TMTC1: variants seen among roughly 807,000 people sequenced by gnomAD.
TMTC1 encodes the protein protein O-mannosyl-transferase TMTC1.
In TMTC1, 73 loss-of-function variants were observed where a neutral mutation model predicts 104.8. The observed-to-expected ratio is 0.70, with a 90% CI of 0.58 to 0.85. The LOEUF (loss-of-function observed/expected upper bound fraction) is 0.85, where lower values mean the gene tolerates loss of function less well. Among genes scored for constraint, TMTC1 ranks in the 40% least tolerant of loss-of-function variants. TMTC1 has a pLI of 0.00. For missense variants in TMTC1, 1,035 were observed against 1,096.1 expected (o/e 0.94, Z 0.79); for synonymous variants, 434 against 428.7 (o/e 1.01, Z -0.15).
chr12:29,534,918 A>C (rs1944601776), intron 11 of TMTC1: 1 of 152,186 alleles, frequency 6.6e-6, no homozygotes, highest in African/African-American at 2.4e-5. Flanking sequence ...TCCTATTTAC[A>C]AAGGGTCATC....
intron 5 of TMTC1, among the ~76,000 whole-genome samples, chr12:29,686,895 G>A (rs1464770977): frequency 6.6e-6 from 1 of 152,160 alleles, no homozygotes; most frequent in East Asian, 1.9e-4. Context: ...AACAAGTGAT[G>A]TATTTTCACC....
chr12:29,666,517 G>A (rs1031378045), intron 5 of TMTC1, among the ~76,000 whole-genome samples: 1 of 151,768 alleles, frequency 6.6e-6, no homozygotes, highest in Non-Finnish European at 1.5e-5. Flanking sequence ...ACAGGTGTGA[G>A]CCACCACACC....
At chr12:29,525,993 G>A (rs548650579) in intron 11 of TMTC1, among the ~76,000 whole-genome samples, 1 of 152,248 alleles carries the variant, frequency 6.6e-6, no homozygotes, top group South Asian at 2.1e-4. Context: ...GTATGAGAAA[G>A]CTTTCATATA....
In TMTC1 at chr12:29,598,177, G is replaced by A. The variant is rs528693269; in HGVS notation, c.1250+6001C>T. ...CTTTCTTCCTATTAGATTTGCTAAA[G>A]CAAATTTCTGTGATTTCCCTGTTGA... On this transcript the variant is annotated intron_variant, in intron 7 of 17. Coordinates refer to ENST00000539277, the MANE Select transcript of TMTC1 (RefSeq NM_001193451.2). Among the ~76,000 whole-genome samples the A allele has an allele frequency of 7.2e-5, 11 of 152,316 alleles. No individual in the cohort carries two copies. The South Asian group carries it at 2.1e-3, about 29-fold the overall frequency.
At chr12:29,582,875 G>A (rs1305978267) in intron 8 of TMTC1, among the ~76,000 whole-genome samples, 2 of 152,200 alleles carry the variant, frequency 1.3e-5, no homozygotes, top group East Asian at 1.9e-4. Flanking sequence ...AGAGCCAGGC[G>A]AAGGTCGCCA....
intron 5 of TMTC1, among the ~76,000 whole-genome samples, chr12:29,747,760 C>T (rs1343357050): frequency 6.6e-6 from 1 of 152,106 alleles, no homozygotes; most frequent in African/African-American, 2.4e-5. Flanking sequence ...GCTGAGTGGC[C>T]ATGGTATGCC....
chr12:29,598,578 C>T (rs1366768931), intron 7 of TMTC1, among the ~76,000 whole-genome samples: 1 of 152,178 alleles, frequency 6.6e-6, no homozygotes, highest in Non-Finnish European at 1.5e-5. Context: ...TTCCGTTTCT[C>T]ACTGAATTTT....
At chr12:29,542,466 A>G (rs532146266) in intron 10 of TMTC1, among the ~76,000 whole-genome samples, 2 of 152,348 alleles carry the variant, frequency 1.3e-5, no homozygotes, top group Non-Finnish European at 2.9e-5. Flanking sequence ...GACGACTGAT[A>G]ATAATCCTCC....
intron 5 of TMTC1, among the ~76,000 whole-genome samples, chr12:29,650,747 C>T (rs1030479820): frequency 3.9e-5 from 6 of 152,192 alleles, no homozygotes; most frequent in Non-Finnish European, 5.9e-5. Context: ...CGTAGACCTA[C>T]TAACCGATGT....
chr12:29,713,101 A>G (rs1378877597), intron 5 of TMTC1, among the ~76,000 whole-genome samples: 1 of 151,972 alleles, frequency 6.6e-6, no homozygotes, highest in Non-Finnish European at 1.5e-5. Flanking sequence ...CAGGTCCCCC[A>G]AGAAAAAAGG....
Position 29,768,048 on chromosome 12 carries a change from G to A in TMTC1, c.330C>T (p.Asn110=), listed in dbSNP as rs774973599. 3 of 1,607,848 alleles carry A rather than the reference G, an allele frequency of 1.9e-6. No individual in the cohort carries two copies. Among genetic ancestry groups the A allele is most frequent in the Admixed American group, 3.4e-5 (2 of 58,810 alleles). The part of the protein sequence containing the change: ...FKLNIFLTGM[N]PFYFHAVNII... ...TATTTACTGCATGAAAGTAGAATGG[G>A]TTCATACCAGTCAAAAATATGTTTA... The change falls in exon 2 of 18, where the codon AAC becomes AAT. Residue 110 remains asparagine (N), a synonymous_variant. Coordinates refer to ENST00000539277, the MANE Select transcript of TMTC1 (RefSeq NM_001193451.2).
intron 2 of TMTC1, among the ~76,000 whole-genome samples, chr12:29,761,742 C>A (rs777074187): frequency 6.6e-6 from 1 of 152,112 alleles, no homozygotes; most frequent in Admixed American, 6.5e-5. Context: ...AATAGTATCA[C>A]CCACGTCACA....
intron 11 of TMTC1, among the ~76,000 whole-genome samples, chr12:29,530,426 A>G (rs1358930394): frequency 1.3e-5 from 2 of 152,158 alleles, no homozygotes; most frequent in Non-Finnish European, 2.9e-5. Flanking sequence ...TTCTTCCTGG[A>G]AAGAAACCAT....
chr12:29,643,069 A>C (rs1308658274), intron 5 of TMTC1, among the ~76,000 whole-genome samples: 1 of 152,098 alleles, frequency 6.6e-6, no homozygotes, highest in Non-Finnish European at 1.5e-5. Context: ...TGATCGGGGA[A>C]ATGCAAATCA....
intron 6 of TMTC1, among the ~76,000 whole-genome samples, chr12:29,606,122 T>A (rs1946692395): frequency 6.6e-6 from 1 of 152,212 alleles, no homozygotes; most frequent in Admixed American, 6.5e-5. Flanking sequence ...TTGACGAGTA[T>A]CTAGGCTGAT....
intron 5 of TMTC1, among the ~76,000 whole-genome samples, chr12:29,664,987 T>C (rs1054631109): frequency 1.3e-5 from 2 of 152,158 alleles, no homozygotes; most frequent in African/African-American, 4.8e-5. Flanking sequence ...TCACATGATG[T>C]AAAATAAATC....
At chr12:29,770,499 G>A (rs181924529) in intron 1 of TMTC1, among the ~76,000 whole-genome samples, 2 of 152,114 alleles carry the variant, frequency 1.3e-5, no homozygotes, top group Admixed American at 6.6e-5. Context: ...TGGGGTTATA[G>A]AAAAAACACG....
rs980689791 is a variant in TMTC1 at position 29,742,222 on chromosome 12, T to C, written c.938+9444A>G. Among the ~76,000 whole-genome samples the C allele has an allele frequency of 2.6e-5, 4 of 152,352 alleles. No individual in the cohort carries two copies. The East Asian group carries it at 7.7e-4, about 29-fold the overall frequency. On this transcript the variant is annotated intron_variant, in intron 5 of 17. Transcript: ENST00000539277. ...TCTTAACAAAAGACACAAACATTAT[T>C]CCTTCCATCCAACTCTGGCTGGCTG...
chr12:29,739,709 T>A (rs1565805813), intron 5 of TMTC1, among the ~76,000 whole-genome samples: 3 of 151,966 alleles, frequency 2.0e-5, no homozygotes, highest in Admixed American at 6.6e-5. Flanking sequence ...AAAGTCAATC[T>A]TTTTTGTTTT....
Sources: gnomAD v4.1 joint callset for allele counts (sites outside exome capture counted in the v4.1 genomes callset) on GRCh38, gnomAD v4.1.1 for gene constraint, MANE v1.5 for transcripts, NCBI Gene and HGNC (gene_info 2026-07-23, HGNC 2026-07-21) for gene names.